Variants in CBLB observed in about 807,000 individuals in gnomAD.
The protein encoded by CBLB is Cbl proto-oncogene B, also known as E3 ubiquitin-protein ligase CBL-B.
In CBLB, 31 loss-of-function variants were observed where a neutral mutation model predicts 104.9. That is an observed-to-expected ratio of 0.30 (90% CI 0.22 to 0.40). The LOEUF is 0.40. Ranked by LOEUF, CBLB falls within the 10% of genes least tolerant of loss-of-function variation. The pLI is 1.00. For synonymous variants in CBLB, 440 were observed against 422.6 expected, an observed-to-expected ratio of 1.04 and a Z score of -0.51; for missense variants, 1,062 against 1,214.6, an observed-to-expected ratio of 0.87 and a Z score of 1.87.
chr3:105,704,250 G>T, intron 10 of CBLB, 77 bp from the exon 11 acceptor site: 1 of 1,364,168 alleles, frequency 7.3e-7, no homozygotes, highest in Non-Finnish European at 1.0e-6. Context: ...AATATATTTG[G>T]TTGGAAGAAG....
intron 3 of CBLB, among the ~76,000 whole-genome samples, chr3:105,818,766 A>G (rs2085416491): frequency 6.6e-6 from 1 of 152,132 alleles, no homozygotes; most frequent in African/African-American, 2.4e-5. Context: ...TAGATTGTGA[A>G]GATTAGTTTT....
At chr3:105,737,598 T>C (rs1410507514) in intron 7 of CBLB, among the ~76,000 whole-genome samples, 1 of 152,184 alleles carries the variant, frequency 6.6e-6, no homozygotes, top group Non-Finnish European at 1.5e-5. Flanking sequence ...GATATACCTA[T>C]TTGCAACTAT....
At chr3:105,734,258 G>T in intron 8 of CBLB, 118 bp from the exon 9 acceptor site, 2 of 1,003,632 alleles carry the variant, frequency 2.0e-6, no homozygotes, top group Non-Finnish European at 3.1e-6. Context: ...GACCTTGTCA[G>T]AATTTTGTTA....
intron 18 of CBLB, among the ~76,000 whole-genome samples, chr3:105,668,942 T>G (rs2064771080): frequency 6.6e-6 from 1 of 152,178 alleles, no homozygotes; most frequent in Non-Finnish European, 1.5e-5. Flanking sequence ...AAGACAAAAG[T>G]TCATATAGGA....
intron 3 of CBLB, among the ~76,000 whole-genome samples, chr3:105,793,604 G>A (rs2081942077): frequency 6.6e-6 from 1 of 150,396 alleles, no homozygotes; most frequent in South Asian, 2.1e-4. Flanking sequence ...CACACAAGAA[G>A]AACAAGGAAA....
chr3:105,868,545 G>A, intron 1 of CBLB, 191 bp downstream of exon 1: 2 of 334,168 alleles, frequency 6.0e-6, no homozygotes, highest in East Asian at 5.5e-5. Flanking sequence ...CGTCTGCCTG[G>A]ACGCCCTCTC....
At chr3:105,758,793 TGGA>T (rs1299686507) in intron 4 of CBLB, among the ~76,000 whole-genome samples, 2 of 152,196 alleles carry the variant, frequency 1.3e-5, no homozygotes, top group Non-Finnish European at 2.9e-5. Context: ...CACCTGTGTC[TGGA>T]GGAGGGGAAC....
chr3:105,720,498 A>G (rs2072649491), intron 9 of CBLB, among the ~76,000 whole-genome samples: 2 of 152,172 alleles, frequency 1.3e-5, no homozygotes, highest in South Asian at 4.1e-4. Context: ...TTTTCCCAAG[A>G]GAAGAAACCT....
intron 10 of CBLB, among the ~76,000 whole-genome samples, chr3:105,710,837 C>T (rs1481655617): frequency 6.6e-6 from 1 of 151,826 alleles, no homozygotes. Context: ...TGACAAAATG[C>T]ACAGAATCCT....
At chr3:105,817,557 G>C (rs1330326385) in intron 3 of CBLB, among the ~76,000 whole-genome samples, 1 of 152,136 alleles carries the variant, frequency 6.6e-6, no homozygotes, top group East Asian at 1.9e-4. Flanking sequence ...CTGAAAACTA[G>C]AGTAGTGAAT....
upstream of CBLB, chr3:105,869,050 G>A (rs1706715806): frequency 8.5e-6 from 9 of 1,062,664 alleles, no homozygotes; most frequent in Non-Finnish European, 9.3e-6. Context: ...CCAGGCTCGG[G>A]GCGGGGCGGG....
intron 12 of CBLB, among the ~76,000 whole-genome samples, chr3:105,696,065 T>C (rs974332732): frequency 3.3e-5 from 5 of 151,558 alleles, no homozygotes; most frequent in African/African-American, 9.7e-5. Context: ...TACATATATA[T>C]ACATACATAC....
intron 7 of CBLB, among the ~76,000 whole-genome samples, chr3:105,738,684 TTA>T (rs2075209268): frequency 6.6e-6 from 1 of 152,102 alleles, no homozygotes; most frequent in Non-Finnish European, 1.5e-5. Flanking sequence ...TAGGTTCTAC[TTA>T]TAAATTCAAA....
chr3:105,859,292 A>C (rs1158988016), intron 2 of CBLB, among the ~76,000 whole-genome samples: 3 of 152,220 alleles, frequency 2.0e-5, no homozygotes, highest in Non-Finnish European at 4.4e-5. Flanking sequence ...CACTTCATGG[A>C]GCATTCAGTT....
chr3:105,669,940 C>T (rs1260788224), intron 18 of CBLB, among the ~76,000 whole-genome samples: 1 of 152,030 alleles, frequency 6.6e-6, no homozygotes, highest in Non-Finnish European at 1.5e-5. Context: ...TCCTCATTTC[C>T]TAAATCTGAG....
chr3:105,676,975 C>T (rs1355020734), intron 17 of CBLB, among the ~76,000 whole-genome samples: 3 of 152,186 alleles, frequency 2.0e-5, no homozygotes, highest in Non-Finnish European at 4.4e-5. Flanking sequence ...TTTCTGAGGC[C>T]TCCCCAGGCA....
chr3:105,681,381 C>A, intron 16 of CBLB, 98 bp downstream of exon 16: 6 of 1,300,556 alleles, frequency 4.6e-6, no homozygotes, highest in Non-Finnish European at 6.6e-6. Context: ...AAATTCACAA[C>A]CCAGTGAGTC....
chr3:105,795,455 T>C (rs2082152324), intron 3 of CBLB, among the ~76,000 whole-genome samples: 2 of 152,242 alleles, frequency 1.3e-5, no homozygotes, highest in Admixed American at 1.3e-4. Flanking sequence ...TAAATATGCA[T>C]AAATATGTGG....
At chr3:105,722,618 A>G (rs2073049475) in intron 9 of CBLB, among the ~76,000 whole-genome samples, 1 of 152,180 alleles carries the variant, frequency 6.6e-6, no homozygotes, top group Non-Finnish European at 1.5e-5. Flanking sequence ...AAGTTACATT[A>G]TTTTTTAGTA....
Sources: allele counts gnomAD v4.1 joint callset (sites outside exome capture counted in the v4.1 genomes callset), GRCh38; gene constraint gnomAD v4.1.1; transcripts MANE v1.5; gene names NCBI Gene and HGNC (gene_info 2026-07-23, HGNC 2026-07-21).